The following KIRREL3 variants were observed in gnomAD, a reference collection of about 807,000 sequenced individuals.
The protein encoded by KIRREL3 is kirre like nephrin family adhesion molecule 3.
A neutral mutation model predicts 89.7 loss-of-function variants in KIRREL3; 36 were observed. The ratio of observed to expected loss-of-function variants is 0.40; its 90% CI spans 0.31 to 0.53. The LOEUF (loss-of-function observed/expected upper bound fraction) is 0.53, where lower values mean the gene tolerates loss of function less well. Ranked by LOEUF, KIRREL3 falls within the 20% of genes least tolerant of loss-of-function variation. The probability of loss-of-function intolerance (pLI) is 0.49; values close to 1 mark genes in which losing one functional copy is unlikely to be tolerated. For missense variants in KIRREL3, 864 were observed against 1,056.6 expected, an observed-to-expected ratio of 0.82 and a Z score of 2.53; for synonymous variants, 445 against 441.4, an observed-to-expected ratio of 1.01 and a Z score of -0.10.
At chr11:126,659,131 G>A (rs1020217670) in intron 1 of KIRREL3, among the ~76,000 whole-genome samples, 1 of 152,182 alleles carries the variant, frequency 6.6e-6, no homozygotes, top group Non-Finnish European at 1.5e-5. Context: ...TTGCCTGCAA[G>A]GATATAGTCA....
intron 7 of KIRREL3, among the ~76,000 whole-genome samples, chr11:126,453,810 C>T (rs1250257447): frequency 1.3e-5 from 2 of 152,250 alleles, no homozygotes; most frequent in East Asian, 3.9e-4. Context: ...CAGGGCCCTT[C>T]ACTAATCAGA....
intron 1 of KIRREL3, among the ~76,000 whole-genome samples, chr11:126,675,480 T>C (rs992533404): frequency 1.3e-5 from 2 of 152,076 alleles, no homozygotes; most frequent in Non-Finnish European, 2.9e-5. Flanking sequence ...TGGAGTTAGG[T>C]AGTAGGGAGT....
intron 1 of KIRREL3, among the ~76,000 whole-genome samples, chr11:126,852,212 C>A (rs1474870560): frequency 6.6e-6 from 1 of 152,048 alleles, no homozygotes; most frequent in Non-Finnish European, 1.5e-5. Flanking sequence ...TGCCACCACG[C>A]CCAGCTAATG....
At chr11:126,585,738 C>T (rs1941807242) in intron 1 of KIRREL3, among the ~76,000 whole-genome samples, 1 of 152,208 alleles carries the variant, frequency 6.6e-6, no homozygotes, top group South Asian at 2.1e-4. Context: ...GCACTCTACG[C>T]CGGTGTCTGT....
rs960835894 is a variant in KIRREL3, at chr11:126,909,508, G to A, written c.55+90947C>T. Among the ~76,000 whole-genome samples, 1 of 152,178 alleles carries A rather than the reference G, an allele frequency of 6.6e-6. No homozygotes were observed. The highest frequency in any genetic ancestry group is 1.5e-5 in the Non-Finnish European group (1 of 68,030). ...TCTCAGGGCATGGCTCTGAGGATGA[G>A]AGAGTGCTCTGAGTTGAGATACACC... On this transcript the variant is annotated intron_variant, in intron 1 of 16. Transcript: ENST00000525144. The surrounding 1 kb of genome is among the most constrained non-coding windows in gnomAD (Gnocchi z 4.5).
At chr11:126,960,309 G>T (rs930815073) in intron 1 of KIRREL3, among the ~76,000 whole-genome samples, 2 of 152,166 alleles carry the variant, frequency 1.3e-5, no homozygotes, top group Non-Finnish European at 2.9e-5. Context: ...CCTACCATGG[G>T]ATAGGACAAA....
Position 126,953,275 on chromosome 11 carries a change from T to C in KIRREL3, c.55+47180A>G, listed in dbSNP as rs1354066121. Among the ~76,000 whole-genome samples, 1 of 150,628 alleles carries C rather than the reference T, an allele frequency of 6.6e-6. No homozygotes were observed. Among genetic ancestry groups the C allele is most frequent in the African/African-American group, 2.5e-5 (1 of 40,724 alleles). ...ACATGTTCTCACTCATAAGTGGGTG[T>C]CGAACAATGAGAACACATGGACACA... On this transcript the variant is annotated intron_variant, in intron 1 of 16. Coordinates refer to ENST00000525144, the MANE Select transcript of KIRREL3 (RefSeq NM_032531.4). This position sits in a 1 kb window ranked among gnomAD's most constrained non-coding sequence, Gnocchi z 5.2.
At chr11:126,839,086 G>A (rs956898229) in intron 1 of KIRREL3, among the ~76,000 whole-genome samples, 10 of 152,208 alleles carry the variant, frequency 6.6e-5, no homozygotes, top group African/African-American at 1.7e-4. Context: ...TCTAGCCAGC[G>A]ATGAGCCATG....
intron 12 of KIRREL3, among the ~76,000 whole-genome samples, chr11:126,435,578 G>C (rs188343933): frequency 1.4e-4 from 22 of 152,236 alleles, no homozygotes; most frequent in African/African-American, 4.8e-4. Flanking sequence ...GCATGGGGAT[G>C]GGGGCACCAA....
chr11:126,681,696 G>T, intron 1 of KIRREL3: 1 of 339,550 alleles, frequency 2.9e-6, no homozygotes, highest in Non-Finnish European at 5.8e-6. Flanking sequence ...TTGGCCTGGT[G>T]CCTCGTGTAT....
intron 1 of KIRREL3, among the ~76,000 whole-genome samples, chr11:126,828,483 T>A (rs944142247): frequency 1.3e-5 from 2 of 152,138 alleles, no homozygotes; most frequent in African/African-American, 4.8e-5. Context: ...TAAAATAATA[T>A]GGAATTCTAA....
chr11:126,712,713 G>GT (rs1303448611), intron 1 of KIRREL3, among the ~76,000 whole-genome samples: 3 of 152,168 alleles, frequency 2.0e-5, no homozygotes, highest in African/African-American at 7.2e-5. Flanking sequence ...GCCCTCTGAG[G>GT]TTGGCGACAA....
In KIRREL3 at chr11:126,703,416, T is replaced by C. The variant is rs940461896; in HGVS notation, c.56-140504A>G. Among the ~76,000 whole-genome samples the C allele has an allele frequency of 7.9e-5, 12 of 152,236 alleles. No homozygotes were observed. Among genetic ancestry groups the C allele is most frequent in the African/African-American group, 2.9e-4 (12 of 41,466 alleles). On this transcript the variant is annotated intron_variant, in intron 1 of 16. Coordinates refer to ENST00000525144, the MANE Select transcript of KIRREL3 (RefSeq NM_032531.4). The surrounding 1 kb of genome is among the most constrained non-coding windows in gnomAD (Gnocchi z 4.6). ...CAGGAGCAGTGACTTTACCAATGAT[T>C]GATCAGCTGTTATGTGCCAGGCTCT...
rs1955831054 is a variant in KIRREL3, at chr11:126,446,744, G to C, written c.1125+15C>G. 6.3e-7 allele frequency: 1 copy of C among 1,594,224 alleles called. No individual in the cohort carries two copies. The highest frequency in any genetic ancestry group is 8.5e-7 in the Non-Finnish European group (1 of 1,170,676). ...CCCTGCCAGAGGTGCCCCGAGGTCT[G>C]AGCTGCAGCCTCACCACTCCGGAGC... On this transcript the variant is annotated intron_variant, in intron 9 of 16. Coordinates refer to ENST00000525144, the MANE Select transcript of KIRREL3 (RefSeq NM_032531.4).
chr11:126,965,183 C>G lies in KIRREL3; in HGVS notation c.55+35272G>C, dbSNP rs1949227363. Among the ~76,000 whole-genome samples the G allele has an allele frequency of 6.6e-6, 1 of 152,320 alleles. No homozygotes were observed. The highest frequency in any genetic ancestry group is 2.1e-4 in the South Asian group (1 of 4,822). ...TGGGGATGAGCAAAGGTCTACAGAA[C>G]AGTGTCTTAATTAACATTCCTGGTC... On this transcript the variant is annotated intron_variant, in intron 1 of 16. Coordinates refer to ENST00000525144, the MANE Select transcript of KIRREL3 (RefSeq NM_032531.4). This position sits in a 1 kb window ranked among gnomAD's most constrained non-coding sequence, Gnocchi z 4.4.
At chr11:126,786,496 A>G (rs762323445) in intron 1 of KIRREL3, among the ~76,000 whole-genome samples, 4 of 152,234 alleles carry the variant, frequency 2.6e-5, no homozygotes, top group Non-Finnish European at 5.9e-5. Flanking sequence ...ACACATAATA[A>G]TGGTCATCAA....
Position 126,471,211 on chromosome 11 carries a change from G to T in KIRREL3, c.591+2098C>A, listed in dbSNP as rs1956881854. 1.3e-5 allele frequency among the ~76,000 whole-genome samples: 2 copies of T among 150,446 alleles called. No individual in the cohort carries two copies. On this transcript the variant is annotated intron_variant, in intron 5 of 16. Transcript: ENST00000525144. This position sits in a 1 kb window ranked among gnomAD's most constrained non-coding sequence, Gnocchi z 5.4. The stretch of plus-strand genomic sequence containing the variant: ...CGTCTCTTTTAAAAATACAAAAAAA[G>T]AAAAAAAAATTAGCTGGGCATGATG...
intron 1 of KIRREL3, among the ~76,000 whole-genome samples, chr11:126,881,491 C>T (rs960896985): frequency 2.6e-5 from 4 of 152,192 alleles, no homozygotes; most frequent in Non-Finnish European, 5.9e-5. Flanking sequence ...CAGCCTAGAT[C>T]TGTCGCAGCC....
rs535417306 is a variant in KIRREL3 at position 126,687,677 on chromosome 11, A to T, written c.56-124765T>A. On this transcript the variant is annotated intron_variant, in intron 1 of 16. Transcript: ENST00000525144. The surrounding 1 kb of genome is among the most constrained non-coding windows in gnomAD (Gnocchi z 4.6). Reference sequence around the variant, plus strand: ...GCTTCATTCAACAAATTTACATTGCACTCTCCTACATGCCAGGCATTGTTT... The same window carrying T: ...GCTTCATTCAACAAATTTACATTGCTCTCTCCTACATGCCAGGCATTGTTT... Among the ~76,000 whole-genome samples the T allele has an allele frequency of 1.2e-4, 18 of 152,218 alleles. No homozygotes were observed. The highest frequency in any genetic ancestry group is 3.4e-3 in the Middle Eastern group (1 of 294).
Sources: allele counts gnomAD v4.1 joint callset (sites outside exome capture counted in the v4.1 genomes callset), GRCh38; gene constraint gnomAD v4.1.1; non-coding constraint Gnocchi (gnomAD v3.1); transcripts MANE v1.5; gene names NCBI Gene and HGNC (gene_info 2026-07-23, HGNC 2026-07-21).